EPHA6: variants seen among roughly 807,000 people sequenced by gnomAD.
EPHA6 encodes the protein EPH receptor A6.
Under a neutral mutation model 112.0 loss-of-function variants are expected in EPHA6, and 50 were observed. The observed-to-expected ratio is 0.45, with a 90% CI of 0.36 to 0.56. EPHA6 has a LOEUF of 0.56. EPHA6 is among the 20% of genes least tolerant of loss of function. The pLI is 0.00. For synonymous variants in EPHA6, 529 were observed against 490.7 expected, an observed-to-expected ratio of 1.08 and a Z score of -1.03; for missense variants, 1,280 against 1,417.4, an observed-to-expected ratio of 0.90 and a Z score of 1.56.
At chr3:97,026,902 C>T (rs893557771) in intron 3 of EPHA6, among the ~76,000 whole-genome samples, 6 of 152,088 alleles carry the variant, frequency 3.9e-5, no homozygotes, top group Non-Finnish European at 8.8e-5. Flanking sequence ...GACCTAAAGA[C>T]AAAAATACCA....
chr3:97,661,773 G>A (rs187679839), intron 14 of EPHA6, among the ~76,000 whole-genome samples: 16 of 152,198 alleles, frequency 1.1e-4, no homozygotes, highest in African/African-American at 3.6e-4. Context: ...TTCCCAGTCA[G>A]AACTTTCTGA....
chr3:96,822,201 G>A (rs1318366178), intron 1 of EPHA6, among the ~76,000 whole-genome samples: 3 of 151,944 alleles, frequency 2.0e-5, no homozygotes, highest in African/African-American at 4.8e-5. Context: ...TAATGACATC[G>A]TGGATGGATG....
intron 14 of EPHA6, among the ~76,000 whole-genome samples, chr3:97,679,308 G>A (rs563287813): frequency 5.9e-5 from 9 of 152,144 alleles, no homozygotes; most frequent in Admixed American, 1.3e-4. Context: ...CCCAGAGGGC[G>A]TCCCCACACA....
chr3:97,297,901 C>A (rs1246355086), intron 5 of EPHA6, among the ~76,000 whole-genome samples: 1 of 151,954 alleles, frequency 6.6e-6, no homozygotes, highest in Non-Finnish European at 1.5e-5. Flanking sequence ...GTAGCTGGGA[C>A]TACAGGCATA....
intron 12 of EPHA6, among the ~76,000 whole-genome samples, chr3:97,601,395 C>G (rs1447733645): frequency 3.3e-5 from 5 of 152,052 alleles, no homozygotes; most frequent in African/African-American, 1.2e-4. Flanking sequence ...TATTCCTCTC[C>G]AGAGAGCCAT....
At chr3:97,270,449 A>G (rs1487900219) in intron 5 of EPHA6, among the ~76,000 whole-genome samples, 2 of 152,160 alleles carry the variant, frequency 1.3e-5, no homozygotes, top group African/African-American at 4.8e-5. Context: ...AAAATTAATG[A>G]TATGTGTAAT....
chr3:97,006,525 CTA>C (rs2043886184), intron 3 of EPHA6, among the ~76,000 whole-genome samples: 1 of 145,484 alleles, frequency 6.9e-6, no homozygotes, highest in South Asian at 2.1e-4. Context: ...GGCTAGCAGT[CTA>C]TTTTTTTTTT....
intron 8 of EPHA6, among the ~76,000 whole-genome samples, chr3:97,477,657 T>C (rs1000342720): frequency 1.3e-5 from 2 of 152,182 alleles, no homozygotes; most frequent in Non-Finnish European, 2.9e-5. Flanking sequence ...TGCTACGTGT[T>C]TAGTAAACTT....
intron 5 of EPHA6, among the ~76,000 whole-genome samples, chr3:97,373,108 A>G (rs1233226383): frequency 2.0e-5 from 3 of 152,134 alleles, no homozygotes; most frequent in Admixed American, 6.6e-5. Flanking sequence ...TGTGATTTAT[A>G]TTATCAAACA....
At chr3:97,348,738 T>C (rs1455154828) in intron 5 of EPHA6, among the ~76,000 whole-genome samples, 3 of 152,072 alleles carry the variant, frequency 2.0e-5, no homozygotes, top group African/African-American at 7.2e-5. Context: ...TGAAGATTTG[T>C]CTACTAAGTG....
rs2039277969 is a variant in EPHA6, at chr3:96,912,678, C to T, written c.450+45789C>T. Among the ~76,000 whole-genome samples the T allele has an allele frequency of 2.6e-5, 4 of 152,048 alleles. No homozygotes were observed. The South Asian group carries it at 8.3e-4, about 32-fold the overall frequency. The stretch of plus-strand genomic sequence containing the variant: ...TCATAGATCACCCTAATCTTGAACT[C>T]CTGGGTTTAAGCAGTCTTCCTGCCT... On this transcript the variant is annotated intron_variant, in intron 2 of 17. Transcript: ENST00000389672.
chr3:97,068,154 CAAAAAAAAAAGA>C (rs1261636210), intron 3 of EPHA6, among the ~76,000 whole-genome samples: 9 of 61,016 alleles, frequency 1.5e-4, no homozygotes, highest in African/African-American at 8.2e-4. Context: ...GACTCCATCT[CAAAAAAAAAAGA>C]AAAAAAAAAA....
At chr3:97,186,144 A>G (rs561983434) in intron 3 of EPHA6, among the ~76,000 whole-genome samples, 1 of 152,124 alleles carries the variant, frequency 6.6e-6, no homozygotes, top group East Asian at 1.9e-4. Context: ...GCACACCAGC[A>G]TGGCACATGT....
intron 8 of EPHA6, among the ~76,000 whole-genome samples, chr3:97,477,606 A>G (rs1353421083): frequency 6.6e-6 from 1 of 152,160 alleles, no homozygotes; most frequent in African/African-American, 2.4e-5. Flanking sequence ...AGTCACAATG[A>G]CAATTTGGTT....
intron 5 of EPHA6, among the ~76,000 whole-genome samples, chr3:97,358,197 T>C (rs986778471): frequency 6.6e-6 from 1 of 152,174 alleles, no homozygotes; most frequent in African/African-American, 2.4e-5. Context: ...TTTTTTGTAG[T>C]GAAATATTTA....
intron 16 of EPHA6, among the ~76,000 whole-genome samples, chr3:97,742,227 GACA>G (rs1167238412): frequency 1.3e-5 from 2 of 152,056 alleles, no homozygotes; most frequent in African/African-American, 2.4e-5. Flanking sequence ...TCCTTCTCAT[GACA>G]ACATTTTGAC....
rs1553803724 is a variant in EPHA6, at chr3:97,532,590, G to GA, written c.2386+47_2386+48insA. On this transcript the variant is annotated intron_variant, in intron 11 of 17. Transcript: ENST00000389672. ...TTACTTCTTTCACACACCTATCTCA[G>GA]TTTTTTTTTAAGAAAAGGAAAAATC... 4 of 1,452,862 alleles carry GA rather than the reference G, an allele frequency of 2.8e-6. No individual in the cohort carries two copies. The African/African-American group carries it at 5.8e-5, about 21-fold the overall frequency. 90.0% of individuals were successfully genotyped at this position (1,452,862 alleles called of 1,614,324 possible).
intron 12 of EPHA6, among the ~76,000 whole-genome samples, chr3:97,602,890 T>C (rs917122250): frequency 3.3e-5 from 5 of 151,952 alleles, no homozygotes; most frequent in African/African-American, 1.2e-4. Flanking sequence ...TTATATAGTA[T>C]TTCAAGATAT....
intron 13 of EPHA6, among the ~76,000 whole-genome samples, chr3:97,625,363 G>C (rs1490230918): frequency 5.9e-5 from 9 of 151,592 alleles, no homozygotes; most frequent in Non-Finnish European, 1.3e-4. Context: ...TTTTTCTTCT[G>C]TTATTTACTT....
Sources: allele counts gnomAD v4.1 joint callset (sites outside exome capture counted in the v4.1 genomes callset), GRCh38; gene constraint gnomAD v4.1.1; transcripts MANE v1.5; gene names NCBI Gene and HGNC (gene_info 2026-07-23, HGNC 2026-07-21).